ARHGEF26: variants seen among roughly 807,000 people sequenced by gnomAD.
ARHGEF26 encodes Rho guanine nucleotide exchange factor 26.
In ARHGEF26, 59 loss-of-function variants were observed where a neutral mutation model predicts 89.4. The ratio of observed to expected loss-of-function variants is 0.66; its 90% CI spans 0.54 to 0.82. ARHGEF26 has a LOEUF of 0.82. Ranked by LOEUF, ARHGEF26 falls within the 40% of genes least tolerant of loss-of-function variation. The pLI is 0.00. For synonymous variants in ARHGEF26, 500 were observed against 428.4 expected (o/e 1.17, Z -2.06); for missense variants, 1,234 against 1,085.6 (o/e 1.14, Z -1.92).
chr3:154,156,152 A>G (rs1275391847), intron 6 of ARHGEF26, among the ~76,000 whole-genome samples: 1 of 152,052 alleles, frequency 6.6e-6, no homozygotes, highest in African/African-American at 2.4e-5. Context: ...ACACAAGGAA[A>G]TGAGAAACAA....
At chr3:154,202,559 G>A (rs1036962655) in intron 9 of ARHGEF26, among the ~76,000 whole-genome samples, 1 of 152,074 alleles carries the variant, frequency 6.6e-6, no homozygotes, top group African/African-American at 2.4e-5. Context: ...GTAGCTTGAT[G>A]GGGATGGCAT....
intron 6 of ARHGEF26, among the ~76,000 whole-genome samples, chr3:154,154,249 A>G (rs1393978764): frequency 1.3e-5 from 2 of 152,032 alleles, no homozygotes; most frequent in African/African-American, 4.8e-5. Flanking sequence ...ATGTTTTACA[A>G]TTCCTGCTCC....
At chr3:154,252,509 A>G (rs979145406) in intron 12 of ARHGEF26, among the ~76,000 whole-genome samples, 3 of 152,340 alleles carry the variant, frequency 2.0e-5, no homozygotes, top group South Asian at 2.1e-4. Context: ...TTATGTAATT[A>G]TAGCTTAATA....
At chr3:154,199,639 A>G (rs928169029) in intron 9 of ARHGEF26, among the ~76,000 whole-genome samples, 3 of 152,120 alleles carry the variant, frequency 2.0e-5, no homozygotes, top group Non-Finnish European at 2.9e-5. Flanking sequence ...GGAACCTCCA[A>G]ACTGTTCTCC....
At chr3:154,180,212 CT>C (rs1326085764) in intron 6 of ARHGEF26, among the ~76,000 whole-genome samples, 6 of 152,132 alleles carry the variant, frequency 3.9e-5, no homozygotes, top group African/African-American at 1.4e-4. Context: ...TCATTAATTA[CT>C]TCTATAAAAT....
intron 6 of ARHGEF26, among the ~76,000 whole-genome samples, chr3:154,186,136 GACAC>G (rs60675240): frequency 1.2e-3 from 175 of 147,036 alleles, no homozygotes; most frequent in African/African-American, 3.6e-3. Flanking sequence ...CACACACTTA[GACAC>G]ACACACACAC....
In ARHGEF26 at chr3:154,168,796, G is replaced by T. The variant is rs555648648; in HGVS notation, c.1487+15864G>T. Among the ~76,000 whole-genome samples the T allele has an allele frequency of 2.6e-5, 4 of 151,614 alleles. No homozygotes were observed. In the East Asian group the frequency reaches 7.7e-4, roughly 29 times the overall value. On this transcript the variant is annotated intron_variant, in intron 6 of 14. Transcript: ENST00000465093. ...TGTCCCACTTTTCTTTAAAAACAGC[G>T]TGCTGACTGTATATGCGATTCTGCC...
chr3:154,201,863 C>G (rs922988955), intron 9 of ARHGEF26, among the ~76,000 whole-genome samples: 3 of 151,798 alleles, frequency 2.0e-5, no homozygotes, highest in Admixed American at 1.3e-4. Flanking sequence ...TTGTTTTTTT[C>G]TTGTAAATTT....
chr3:154,173,548 G>A (rs1297380287), intron 6 of ARHGEF26, among the ~76,000 whole-genome samples: 4 of 152,118 alleles, frequency 2.6e-5, no homozygotes, highest in Admixed American at 6.5e-5. Flanking sequence ...ATTTGTCAAC[G>A]TTTGATGCTA....
chr3:154,122,740 A>C lies in ARHGEF26; in HGVS notation c.748A>C (p.Ile250Leu), dbSNP rs1718058196. Reference protein sequence around the residue: ...PAALKVGKQQIIPKSLASEIK... With the variant: ...PAALKVGKQQLIPKSLASEIK... ...CGCCCTCAAAGTGGGGAAGCAGCAG[A>C]TCATTCCGAAGAGTCTGGCCTCGGA... The change falls in exon 2 of 15, where the codon ATC becomes CTC. Residue 250 changes from isoleucine to leucine, a missense_variant. By Grantham distance (5) the Ile-to-Leu change is conservative. Transcript: ENST00000465093. 1.2e-6 allele frequency: 2 copies of C among 1,612,984 alleles called. No homozygotes were observed. Among genetic ancestry groups the C allele is most frequent in the Non-Finnish European group, 1.7e-6 (2 of 1,179,410 alleles).
chr3:154,207,559 C>T (rs544527673), intron 9 of ARHGEF26, among the ~76,000 whole-genome samples: 13 of 152,166 alleles, frequency 8.5e-5, no homozygotes, highest in East Asian at 5.8e-4. Context: ...TACCATCTCA[C>T]GCTAGTCAGA....
intron 11 of ARHGEF26, among the ~76,000 whole-genome samples, chr3:154,237,840 A>C (rs1403442553): frequency 6.6e-6 from 1 of 152,198 alleles, no homozygotes; most frequent in East Asian, 1.9e-4. Context: ...TCTGAAGCAG[A>C]ATTGTTTTTA....
intron 12 of ARHGEF26, among the ~76,000 whole-genome samples, chr3:154,251,152 C>T (rs1350213326): frequency 2.6e-5 from 4 of 152,198 alleles, no homozygotes; most frequent in Non-Finnish European, 5.9e-5. Flanking sequence ...TTTGTAAACA[C>T]CTGCTGCGTA....
intron 11 of ARHGEF26, among the ~76,000 whole-genome samples, chr3:154,234,095 G>A (rs1223390369): frequency 6.6e-6 from 1 of 152,090 alleles, no homozygotes; most frequent in Admixed American, 6.5e-5. Context: ...GTGCTGCTTG[G>A]GTTTCCATCT....
At chr3:154,200,752 GTCT>G (rs1399502895) in intron 9 of ARHGEF26, among the ~76,000 whole-genome samples, 2 of 151,232 alleles carry the variant, frequency 1.3e-5, no homozygotes, top group South Asian at 4.2e-4. Flanking sequence ...ATTTTTTAGT[GTCT>G]TCTTCAATTT....
intron 3 of ARHGEF26, 80 bp downstream of exon 3, chr3:154,124,529 C>T (rs1718208707): frequency 8.1e-7 from 1 of 1,236,684 alleles, no homozygotes; most frequent in Admixed American, 3.1e-5. Flanking sequence ...ACTGCAGTAA[C>T]AAAAATGCTT....
At chr3:154,226,751 A>T (rs1054818195) in intron 11 of ARHGEF26, among the ~76,000 whole-genome samples, 2 of 151,904 alleles carry the variant, frequency 1.3e-5, no homozygotes, top group African/African-American at 4.8e-5. Context: ...CACCCAACAC[A>T]TGTAAGGTCC....
intron 10 of ARHGEF26, among the ~76,000 whole-genome samples, chr3:154,223,196 T>G (rs1258241522): frequency 6.6e-6 from 1 of 152,170 alleles, no homozygotes; most frequent in Non-Finnish European, 1.5e-5. Flanking sequence ...AGTGGTGGTA[T>G]GTTAGTTGAC....
intron 10 of ARHGEF26, among the ~76,000 whole-genome samples, chr3:154,218,508 C>A (rs1715919779): frequency 1.3e-5 from 2 of 152,184 alleles, no homozygotes; most frequent in Non-Finnish European, 2.9e-5. Context: ...AAGAAAATGA[C>A]AGCTAATGGC....
Sources: allele counts gnomAD v4.1 joint callset (sites outside exome capture counted in the v4.1 genomes callset), GRCh38; gene constraint gnomAD v4.1.1; transcripts MANE v1.5; gene names NCBI Gene and HGNC (gene_info 2026-07-23, HGNC 2026-07-21).